The following CLYBL variants were observed in gnomAD, a reference collection of about 807,000 sequenced individuals.
CLYBL encodes the protein citramalyl-CoA lyase, mitochondrial.
Under a neutral mutation model 38.9 loss-of-function variants are expected in CLYBL, and 31 were observed. That is an observed-to-expected ratio of 0.80 (90% CI 0.60 to 1.08). The LOEUF (loss-of-function observed/expected upper bound fraction) is 1.08. Among genes scored for constraint, CLYBL ranks in the 50% least tolerant of loss-of-function variants. The pLI is 0.00. For missense variants in CLYBL, 434 were observed against 411.6 expected, an observed-to-expected ratio of 1.05 and a Z score of -0.47; for synonymous variants, 171 against 158.6, an observed-to-expected ratio of 1.08 and a Z score of -0.59.
intron 1 of CLYBL, among the ~76,000 whole-genome samples, chr13:99,698,733 G>A (rs1005878874): frequency 6.6e-6 from 1 of 152,196 alleles, no homozygotes; most frequent in Non-Finnish European, 1.5e-5. Context: ...AAATTAGAAT[G>A]TGTGGTTTTT....
chr13:99,787,367 A>G (rs2049818962), intron 2 of CLYBL, among the ~76,000 whole-genome samples: 1 of 152,052 alleles, frequency 6.6e-6, no homozygotes, highest in African/African-American at 2.4e-5. Context: ...ATCTTGAATT[A>G]ATTTTTGTGT....
intron 1 of CLYBL, among the ~76,000 whole-genome samples, chr13:99,729,369 TTGAG>T (rs1270609409): frequency 1.3e-5 from 2 of 152,156 alleles, no homozygotes; most frequent in Non-Finnish European, 2.9e-5. Flanking sequence ...AGTCATCTGC[TTGAG>T]TATCAGCTAT....
chr13:99,727,852 C>T lies in CLYBL; in HGVS notation c.63-44972C>T, dbSNP rs149447882. ...CAGTACTTTGAGAGGCCGAGGTGGG[C>T]GGATCACTTGAGGCCAGGAGTTTCA... On this transcript the variant is annotated intron_variant, in intron 1 of 8. Coordinates refer to ENST00000339105, the MANE Select transcript of CLYBL (RefSeq NM_206808.5). 2.4e-3 allele frequency among the ~76,000 whole-genome samples: 367 copies of T among 152,072 alleles called. 3 individuals carry two copies. Among genetic ancestry groups the T allele is most frequent in the African/African-American group, 8.5e-3 (354 of 41,476 alleles).
intron 1 of CLYBL, among the ~76,000 whole-genome samples, chr13:99,723,612 C>A (rs1466722412): frequency 6.6e-6 from 1 of 152,200 alleles, no homozygotes; most frequent in Non-Finnish European, 1.5e-5. Flanking sequence ...TGAGGCCCAT[C>A]TTTTCCGTGG....
At chr13:99,712,296 A>T (rs1253795254) in intron 1 of CLYBL, among the ~76,000 whole-genome samples, 1 of 149,738 alleles carries the variant, frequency 6.7e-6, no homozygotes, top group Non-Finnish European at 1.5e-5. Flanking sequence ...TTCCTTTCTC[A>T]TATAACTTTT....
chr13:99,710,907 G>A (rs763429285), intron 1 of CLYBL, among the ~76,000 whole-genome samples: 33 of 96,754 alleles, frequency 3.4e-4, no homozygotes, highest in Non-Finnish European at 5.0e-4. Flanking sequence ...TTTTTTTTGA[G>A]ACAGAGTTTT....
chr13:99,837,816 C>T (rs2050975004), intron 2 of CLYBL, among the ~76,000 whole-genome samples: 1 of 152,180 alleles, frequency 6.6e-6, no homozygotes, highest in Non-Finnish European at 1.5e-5. Flanking sequence ...CGTGTCCGAG[C>T]CCCACCACAC....
At chr13:99,690,857 A>C (rs1330034307) in intron 1 of CLYBL, 4 of 152,222 alleles carry the variant, frequency 2.6e-5, no homozygotes, top group Non-Finnish European at 5.9e-5. Flanking sequence ...AGGGGGAAAA[A>C]AGTTATTTGA....
intron 1 of CLYBL, among the ~76,000 whole-genome samples, chr13:99,664,554 T>A (rs1218997483): frequency 6.6e-6 from 1 of 152,258 alleles, no homozygotes; most frequent in Non-Finnish European, 1.5e-5. Flanking sequence ...CCATGTACTT[T>A]TATAAACACT....
At chr13:99,834,706 G>T (rs1344308731) in intron 2 of CLYBL, among the ~76,000 whole-genome samples, 1 of 152,154 alleles carries the variant, frequency 6.6e-6, no homozygotes, top group African/African-American at 2.4e-5. Flanking sequence ...GATGTTCTCG[G>T]TCCTCTGCAG....
intron 1 of CLYBL, among the ~76,000 whole-genome samples, chr13:99,736,029 G>A (rs995619870): frequency 3.2e-5 from 4 of 126,972 alleles, no homozygotes; most frequent in East Asian, 2.5e-4. Context: ...TATCCTATAC[G>A]TTTCTTTTCT....
chr13:99,900,468 G>T (rs903129174), downstream of CLYBL, among the ~76,000 whole-genome samples: 5 of 151,920 alleles, frequency 3.3e-5, no homozygotes, highest in Non-Finnish European at 7.4e-5. Context: ...ATTTTGTCCC[G>T]TCCCCTGATC....
intron 1 of CLYBL, among the ~76,000 whole-genome samples, chr13:99,671,515 C>T (rs1341589763): frequency 6.6e-6 from 1 of 152,136 alleles, no homozygotes; most frequent in Non-Finnish European, 1.5e-5. Flanking sequence ...CACGATGGCT[C>T]ACACCTGTAA....
At chr13:99,674,353 T>C (rs920927601) in intron 1 of CLYBL, among the ~76,000 whole-genome samples, 3 of 151,990 alleles carry the variant, frequency 2.0e-5, no homozygotes, top group African/African-American at 7.3e-5. Flanking sequence ...GGGTTCACCA[T>C]GTTGGCCAGG....
chr13:99,666,946 G>A (rs2047490294), intron 1 of CLYBL, among the ~76,000 whole-genome samples: 1 of 152,164 alleles, frequency 6.6e-6, no homozygotes, highest in Non-Finnish European at 1.5e-5. Context: ...CTTGTGGAAA[G>A]CAGTGGATGC....
At chr13:99,848,518 T>A (rs2139155355) in intron 2 of CLYBL, among the ~76,000 whole-genome samples, 1 of 152,324 alleles carries the variant, frequency 6.6e-6, no homozygotes, top group Admixed American at 6.5e-5. Context: ...AAAGGGCACA[T>A]CCCCTGTTAC....
intron 1 of CLYBL, among the ~76,000 whole-genome samples, chr13:99,620,798 G>A (rs67817216): frequency 0.079 from 9,503 of 120,852 alleles, 597 homozygotes; most frequent in African/African-American, 0.16. Context: ...AAGAAAAAGA[G>A]AGAGAGAGAA....
intron 2 of CLYBL, among the ~76,000 whole-genome samples, chr13:99,837,880 T>G (rs1190732043): frequency 6.6e-6 from 1 of 152,202 alleles, no homozygotes; most frequent in Non-Finnish European, 1.5e-5. Context: ...GACAGAAATC[T>G]CTACATACCA....
At chr13:99,900,361 G>A (rs550260580), downstream of CLYBL, among the ~76,000 whole-genome samples, 116 of 152,146 alleles carry the variant, frequency 7.6e-4, no homozygotes, top group Non-Finnish European at 1.5e-3. Context: ...CTCTTTTGTT[G>A]TTGTCGTTGT....
Sources: gnomAD v4.1 joint callset for allele counts (sites outside exome capture counted in the v4.1 genomes callset) on GRCh38, gnomAD v4.1.1 for gene constraint, MANE v1.5 for transcripts, NCBI Gene and HGNC (gene_info 2026-07-23, HGNC 2026-07-21) for gene names.